Variants in MAMDC4 observed in about 807,000 individuals in gnomAD.
MAMDC4 encodes apical endosomal glycoprotein.
In MAMDC4, 168 loss-of-function variants were observed where a neutral mutation model predicts 153.3. That is an observed-to-expected ratio of 1.10 (90% CI 0.97 to 1.25). The LOEUF (loss-of-function observed/expected upper bound fraction) is 1.25, where lower values mean the gene tolerates loss of function less well. Among genes scored for constraint, MAMDC4 ranks in the 50% most tolerant of loss-of-function variants. The probability of loss-of-function intolerance (pLI) is 0.00; values close to 1 mark genes in which losing one functional copy is unlikely to be tolerated. For missense variants in MAMDC4, 1,701 were observed against 1,542.8 expected, an observed-to-expected ratio of 1.10 and a Z score of -1.72; for synonymous variants, 744 against 651.5, an observed-to-expected ratio of 1.14 and a Z score of -2.16.
rs1347742756 is a variant in MAMDC4, at chr9:136,853,977, G to A, written c.586-15G>A. The A allele has an allele frequency of 2.0e-5, 32 of 1,612,828 alleles. No homozygotes were observed. The East Asian group carries it at 7.1e-4, about 36-fold the overall frequency. ...CTGGGCCCTGACTTAGGTCCTAAGA[G>A]CCTGTTCTCTTCAGGTGACCTTCTC... On this transcript the variant is annotated splice_polypyrimidine_tract_variant and intron_variant, in intron 5 of 26. Coordinates refer to ENST00000317446, the MANE Select transcript of MAMDC4 (RefSeq NM_206920.3).
chr9:136,857,117 T>G, intron 16 of MAMDC4, 48 bp from the exon 17 acceptor site: 1 of 1,606,490 alleles, frequency 6.2e-7, no homozygotes. Flanking sequence ...CTGACACCCA[T>G]CAAGGCACAG....
chr9:136,857,103 C>T (rs944752695), intron 16 of MAMDC4, 62 bp downstream of exon 16: 43 of 1,603,776 alleles, frequency 2.7e-5, no homozygotes, highest in Non-Finnish European at 3.3e-5. Flanking sequence ...CAGAGTCCCC[C>T]GCTCTGACAC....
At chr9:136,855,148 A>G (rs1848985474) in intron 10 of MAMDC4, 38 bp downstream of exon 10, 1 of 1,565,992 alleles carries the variant, frequency 6.4e-7, no homozygotes, top group Admixed American at 1.9e-5. Flanking sequence ...GGGGAGCCGC[A>G]CTGTGGGCAG....
At chr9:136,854,160 T>C (rs774057763) in intron 6 of MAMDC4, 51 bp from the exon 7 acceptor site, 1 of 1,611,100 alleles carries the variant, frequency 6.2e-7, no homozygotes, top group African/African-American at 1.3e-5. Context: ...TGCCCCCGAG[T>C]GCTCTCCCAC....
At position 136,853,762 on chromosome 9, in the gene MAMDC4, C is replaced by A; in HGVS notation, c.455-15C>A. ...AAGCAGGGCCGCAGCTGCCCTGGGA[C>A]CCCTGACATTGCAGATGTGGCTGAA... On this transcript the variant is annotated splice_polypyrimidine_tract_variant and intron_variant, in intron 4 of 26. Transcript: ENST00000317446. 4 of 1,607,478 alleles carry A rather than the reference C, an allele frequency of 2.5e-6. No homozygotes were observed. Among genetic ancestry groups the A allele is most frequent in the Non-Finnish European group, 3.4e-6 (4 of 1,177,038 alleles).
Position 136,856,911 on chromosome 9 carries a change from C to G in MAMDC4, c.1842C>G (p.His614Gln). 1 of 1,609,364 alleles carries G rather than the reference C, an allele frequency of 6.2e-7. No individual in the cohort carries two copies. Among genetic ancestry groups the G allele is most frequent in the Non-Finnish European group, 8.5e-7 (1 of 1,177,366 alleles). The change falls in exon 16 of 27, where the codon CAC (histidine) becomes CAG (glutamine). Residue 614 changes from histidine (H) to glutamine (Q), a missense_variant. Physicochemically the swap from His to Gln is conservative, Grantham distance 24 (BLOSUM62 0). Transcript: ENST00000317446. Reference protein sequence around the residue: ...PDHDHTTGQGHFVLLDPTDPL... With the variant: ...PDHDHTTGQGQFVLLDPTDPL... ...ACAGCCCCATGCCCCCTGCAGGCCA[C>G]TTTGTGCTCCTGGACCCCACAGACC...
chr9:136,855,265 C>CG lies in MAMDC4; in HGVS notation c.1212dup (p.Gln405AlafsTer17), dbSNP rs764256070. 1 of 1,597,354 alleles carries CG rather than the reference C, an allele frequency of 6.3e-7. No homozygotes were observed. The highest frequency in any genetic ancestry group is 1.1e-5 in the South Asian group (1 of 88,884). Reference sequence around the variant, plus strand: ...CCCTCTGCCCTCAGATCCTCCTGGCCGGGCAGACAGGCCCGGGGGGCGTCG... The same window carrying CG: ...CCCTCTGCCCTCAGATCCTCCTGGCCGGGGCAGACAGGCCCGGGGGGCGTCG... On this transcript the variant is annotated frameshift_variant, in exon 11 of 27. Coordinates refer to ENST00000317446, the MANE Select transcript of MAMDC4 (RefSeq NM_206920.3). LOFTEE classifies it high-confidence loss of function.
At position 136,853,417 on chromosome 9, in the gene MAMDC4, G is replaced by A. The variant is rs1278641516; in HGVS notation, c.287G>A (p.Gly96Asp). The change falls in exon 3 of 27, where the codon GGT becomes GAT. Residue 96 changes from glycine (G) to aspartate (D), a missense_variant. Physicochemically the swap from Gly to Asp is moderately conservative, Grantham distance 94. Transcript: ENST00000317446. ...LRDRAGAALE[G>D]PGPHSDHTLG... is the part of the protein sequence containing the mutation. ...GACAGGGCAGGGGCCGCACTGGAGGGTCCTGGGCCTCACTCAGACCACACA... is the reference window on the plus strand; with the variant it reads ...GACAGGGCAGGGGCCGCACTGGAGGATCCTGGGCCTCACTCAGACCACACA... 3.7e-6 allele frequency: 6 copies of A among 1,604,064 alleles called. No homozygotes were observed. The African/African-American group carries it at 4.0e-5, about 11-fold the overall frequency.
chr9:136,856,021 A>G lies in MAMDC4; in HGVS notation c.1592A>G (p.His531Arg), dbSNP rs769686292. 85 of 1,610,402 alleles carry G rather than the reference A, an allele frequency of 5.3e-5. No homozygotes were observed. Among genetic ancestry groups the G allele is most frequent in the Non-Finnish European group, 7.0e-5 (82 of 1,178,780 alleles). Residue 531 changes from histidine (H) to arginine (R), a missense_variant, in exon 14 of 27, where the codon CAC (histidine) becomes CGC (arginine). Transcript: ENST00000317446. ...SQGSSAAAAG[H>R]FLSLQRAWGQ... ...GAGCACCATGCTCTTCCCCTAGGGC[A>G]CTTCCTGTCTCTGCAGCGGGCCTGG... is the stretch of plus-strand genomic sequence containing the variant.
At chr9:136,860,305 A>AG (rs543607771) in intron 26 of MAMDC4, among the ~76,000 whole-genome samples, 80 of 152,150 alleles carry the variant, frequency 5.3e-4, no homozygotes, top group Non-Finnish European at 3.8e-4. Context: ...GGATCACCTG[A>AG]GGTCAGGAGT....
Position 136,858,272 on chromosome 9 carries a change from G to T in MAMDC4, c.2670G>T (p.Gln890His). Residue 890 changes from glutamine (Q) to histidine (H), a missense_variant, in exon 21 of 27, where the codon CAG becomes CAT. Transcript: ENST00000317446. Reference protein sequence around the residue: ...DLLLQDGPCPQPGSCDFESGL... With the variant: ...DLLLQDGPCPHPGSCDFESGL... ...TCCTCCAGGACGGGCCCTGCCCTCA[G>T]CCAGGTGGGAGCCCTGCCGTGGCCT... is the stretch of plus-strand genomic sequence containing the variant. 6.2e-7 allele frequency: 1 copy of T among 1,601,816 alleles called. No homozygotes were observed.
At chr9:136,854,102 A>C (rs1848967430) in intron 6 of MAMDC4, 26 bp downstream of exon 6, 1 of 1,610,428 alleles carries the variant, frequency 6.2e-7, no homozygotes. Flanking sequence ...TTCCTGTTCC[A>C]CCCCCGGGAG....
In MAMDC4 at chr9:136,858,372, G is replaced by C. The variant is rs781267720; in HGVS notation, c.2675-28G>C. The C allele has an allele frequency of 1.9e-6, 3 of 1,600,422 alleles. No individual in the cohort carries two copies. In the South Asian group the frequency reaches 3.3e-5, roughly 18 times the overall value. On this transcript the variant is annotated intron_variant, in intron 21 of 26. Transcript: ENST00000317446. ...TGCCCAGGGCTTGGGCCGTGGGGCA[G>C]CACCACTCACCCACCCATGTCCTGC...
Position 136,855,414 on chromosome 9 carries a change from C to T in MAMDC4, c.1283-17C>T. On this transcript the variant is annotated splice_polypyrimidine_tract_variant and intron_variant, in intron 11 of 26. Transcript: ENST00000317446. ...ACTCCCCATCCCTGCCTCCTGACAC[C>T]AGTTCTGCCCCCACAGAGGTGTCCA... 1 of 1,605,870 alleles carries T rather than the reference C, an allele frequency of 6.2e-7. No homozygotes were observed. Among genetic ancestry groups the T allele is most frequent in the Non-Finnish European group, 8.5e-7 (1 of 1,175,926 alleles).
rs569330572 is a variant in MAMDC4, at chr9:136,859,799, C to G, written c.3194-87C>G. On this transcript the variant is annotated intron_variant, in intron 25 of 26. Coordinates refer to ENST00000317446, the MANE Select transcript of MAMDC4 (RefSeq NM_206920.3). ...GGTGAACCCCAGGAGCCAGCAGAGG[C>G]TGAGGGACCATGCAGCCCCAGGCTT... The G allele has an allele frequency of 2.3e-5, 33 of 1,432,500 alleles. No individual in the cohort carries two copies. The East Asian group carries it at 7.3e-4, about 32-fold the overall frequency. 88.7% of individuals were successfully genotyped at this position (1,432,500 alleles called of 1,614,324 possible).
At position 136,858,166 on chromosome 9, in the gene MAMDC4, C is replaced by T. The variant is rs754090797; in HGVS notation, c.2584-20C>T. On this transcript the variant is annotated intron_variant, in intron 20 of 26. Coordinates refer to ENST00000317446, the MANE Select transcript of MAMDC4 (RefSeq NM_206920.3). ...GGGCTGCCTGGACCCGCTGAGGCTG[C>T]CCTGCCCTGCACCCGCCAGGTGGTG... 3.1e-5 allele frequency: 48 copies of T among 1,563,164 alleles called. 2 individuals carry two copies. The South Asian group carries it at 5.1e-4, about 17-fold the overall frequency.
At position 136,860,578 on chromosome 9, in the gene MAMDC4, C is replaced by G; in HGVS notation, c.3389C>G (p.Pro1130Arg). ...ILFNADGVTL[P>R]ASVTSDP ...TCCTCCTAGGATGGTGTCACCCTCC[C>G]GGCATCTGTCACCAGTGATCCGTAG... Residue 1130 changes from proline (P) to arginine (R), a missense_variant, in exon 27 of 27, where the codon CCG becomes CGG. Pro to Arg is a moderately radical substitution (Grantham distance 103, BLOSUM62 -2). Coordinates refer to ENST00000317446, the MANE Select transcript of MAMDC4 (RefSeq NM_206920.3). 6.2e-7 allele frequency: 1 copy of G among 1,612,938 alleles called. No homozygotes were observed. The highest frequency in any genetic ancestry group is 2.2e-5 in the East Asian group (1 of 44,886).
At chr9:136,854,163 T>C (rs1848968210) in intron 6 of MAMDC4, 48 bp from the exon 7 acceptor site, 10 of 1,611,056 alleles carry the variant, frequency 6.2e-6, no homozygotes, top group Non-Finnish European at 7.6e-6. Flanking sequence ...CCCCGAGTGC[T>C]CTCCCACTCC....
chr9:136,857,226 C>T lies in MAMDC4; in HGVS notation c.2034C>T (p.Gly678=). The T allele has an allele frequency of 6.2e-7, 1 of 1,610,610 alleles. No homozygotes were observed. Among genetic ancestry groups the T allele is most frequent in the Non-Finnish European group, 8.5e-7 (1 of 1,179,058 alleles). The part of the protein sequence containing the change: ...GEETHLWSRS[G]TQGNRWHEAW... ...AGACACACCTGTGGTCGCGGTCAGG[C>T]ACCCAGGGCAACCGCTGGCACGAGG... Residue 678 remains glycine, a synonymous_variant, in exon 17 of 27, where the codon GGC becomes GGT. Transcript: ENST00000317446.
Sources: gnomAD v4.1 joint callset for allele counts (sites outside exome capture counted in the v4.1 genomes callset) on GRCh38, gnomAD v4.1.1 for gene constraint, MANE v1.5 for transcripts, NCBI Gene and HGNC (gene_info 2026-07-23, HGNC 2026-07-21) for gene names.